The following SERPINE2 variants were observed in gnomAD, a reference collection of about 807,000 sequenced individuals.
SERPINE2 encodes the protein glia-derived nexin.
In SERPINE2, 14 loss-of-function variants were observed where a neutral mutation model predicts 36.3. That is an observed-to-expected ratio of 0.39 (90% confidence interval 0.25 to 0.60). The LOEUF is 0.60. Among genes scored for constraint, SERPINE2 ranks in the 20% least tolerant of loss-of-function variants. The pLI, the probability that SERPINE2 is intolerant of heterozygous loss-of-function variation, is 0.57. For synonymous variants in SERPINE2, 192 were observed against 191.8 expected (o/e 1.00, Z -0.01); for missense variants, 418 against 499.6 (o/e 0.84, Z 1.56).
chr2:224,038,803 C>T (rs1466949136), intron 1 of SERPINE2: 1 of 427,310 alleles, frequency 2.3e-6, no homozygotes, highest in African/African-American at 2.1e-5. Flanking sequence ...GCGGGTATCA[C>T]TGGACGCCAC....
intron 7 of SERPINE2, 194 bp from the exon 8 acceptor site, chr2:223,977,821 TTTACA>T: frequency 5.6e-6 from 3 of 537,830 alleles, no homozygotes; most frequent in Middle Eastern, 3.8e-4. Context: ...GGCCAGGCCC[TTTACA>T]TTACTCTCTC....
intron 4 of SERPINE2, among the ~76,000 whole-genome samples, chr2:223,988,766 C>T (rs1375317943): frequency 1.3e-5 from 2 of 152,120 alleles, no homozygotes; most frequent in Non-Finnish European, 2.9e-5. Flanking sequence ...AGAATACTCA[C>T]TGCAGTGTTG....
intron 1 of SERPINE2, among the ~76,000 whole-genome samples, chr2:224,005,065 T>TTATATATTTTTTTATA (rs1553547022): frequency 6.0e-5 from 2 of 33,558 alleles, no homozygotes; most frequent in South Asian, 8.7e-4. Flanking sequence ...TTTATATATA[T>TTATATATTTTTTTATA]TATATATATA....
chr2:224,035,356 GCTT>G (rs1317730798), intron 1 of SERPINE2, among the ~76,000 whole-genome samples: 1 of 152,090 alleles, frequency 6.6e-6, no homozygotes, highest in Non-Finnish European at 1.5e-5. Flanking sequence ...GGGAATGTAA[GCTT>G]CCTATTCCAG....
chr2:223,975,836 G>A lies in SERPINE2; in HGVS notation c.*31C>T, dbSNP rs758565402. ...AGTCTTTCTTCGTAGCAAAGTAGTC[G>A]TTGCTTTGCATGGTTTCTTTTGTAT... On this transcript the variant is annotated 3_prime_UTR_variant, in exon 9 of 9. Coordinates refer to ENST00000409304, the MANE Select transcript of SERPINE2 (RefSeq NM_001136528.2). 1.2e-5 allele frequency: 19 copies of A among 1,538,680 alleles called. No homozygotes were observed. The highest frequency in any genetic ancestry group is 1.2e-4 in the African/African-American group (9 of 73,474).
At chr2:224,033,804 C>T (rs2106205436) in intron 1 of SERPINE2, among the ~76,000 whole-genome samples, 1 of 152,272 alleles carries the variant, frequency 6.6e-6, no homozygotes, top group East Asian at 1.9e-4. Flanking sequence ...GAGGGCAGAA[C>T]CATGCCAAAG....
chr2:223,996,529 G>C lies in SERPINE2; in HGVS notation c.487+1586C>G, dbSNP rs140095589. On this transcript the variant is annotated intron_variant, in intron 3 of 8. Transcript: ENST00000409304. ...CACCTCTTCACTAGTTCTGCTAATG[G>C]GTCTCCAACATCTGGGTGTGTAAGA... Among the ~76,000 whole-genome samples, 4 of 152,248 alleles carry C rather than the reference G, an allele frequency of 2.6e-5. No individual in the cohort carries two copies. The East Asian group carries it at 7.7e-4, about 29-fold the overall frequency.
intron 4 of SERPINE2, among the ~76,000 whole-genome samples, chr2:223,989,072 ATATATATTG>A (rs1341584345): frequency 6.6e-6 from 1 of 152,236 alleles, no homozygotes; most frequent in East Asian, 1.9e-4. Flanking sequence ...GGTTTCTGCC[ATATATATTG>A]TACATGGAGG....
chr2:224,002,166 G>A (rs1468076255), intron 1 of SERPINE2, among the ~76,000 whole-genome samples: 1 of 151,924 alleles, frequency 6.6e-6, no homozygotes, highest in African/African-American at 2.4e-5. Context: ...TAGTAGAGAT[G>A]GGATTTCACC....
chr2:224,028,512 T>C (rs1343754604), intron 1 of SERPINE2, among the ~76,000 whole-genome samples: 1 of 152,204 alleles, frequency 6.6e-6, no homozygotes, highest in Non-Finnish European at 1.5e-5. Context: ...TGGCTTAGCC[T>C]CAATCATTCC....
At chr2:224,031,947 CCA>C (rs2106203625) in intron 1 of SERPINE2, among the ~76,000 whole-genome samples, 1 of 152,244 alleles carries the variant, frequency 6.6e-6, no homozygotes, top group South Asian at 2.1e-4. Flanking sequence ...GTCTTTGGTT[CCA>C]GTCATCTTCA....
chr2:224,018,698 C>G (rs1245129960), intron 1 of SERPINE2, among the ~76,000 whole-genome samples: 1 of 152,162 alleles, frequency 6.6e-6, no homozygotes, highest in Non-Finnish European at 1.5e-5. Flanking sequence ...CACCCCAACC[C>G]TGCTGTTCTC....
chr2:223,977,888 G>A (rs1471867672), intron 7 of SERPINE2: 1 of 400,352 alleles, frequency 2.5e-6, no homozygotes, highest in Non-Finnish European at 4.6e-6. Flanking sequence ...TCCTCATAGA[G>A]TTTTGATGAG....
chr2:224,019,614 A>C (rs1456636115), intron 1 of SERPINE2, among the ~76,000 whole-genome samples: 1 of 152,196 alleles, frequency 6.6e-6, no homozygotes, highest in African/African-American at 2.4e-5. Flanking sequence ...ATGGACACTG[A>C]AGTGCTCAAT....
chr2:223,977,427 C>A, intron 8 of SERPINE2, 117 bp downstream of exon 8: 1 of 715,658 alleles, frequency 1.4e-6, no homozygotes, highest in South Asian at 1.5e-5. Context: ...AAAGTGTCTG[C>A]AACTATTGAC....
intron 1 of SERPINE2, among the ~76,000 whole-genome samples, chr2:224,005,824 T>C (rs1691401417): frequency 6.6e-6 from 1 of 152,188 alleles, no homozygotes; most frequent in African/African-American, 2.4e-5. Flanking sequence ...TGAATATTGT[T>C]TCACAACAGT....
At chr2:224,032,204 T>A (rs929364928) in intron 1 of SERPINE2, among the ~76,000 whole-genome samples, 30 of 152,376 alleles carry the variant, frequency 2.0e-4, no homozygotes, top group Admixed American at 1.6e-3. Flanking sequence ...TTTATTTACA[T>A]AGCACTTTCC....
intron 1 of SERPINE2, among the ~76,000 whole-genome samples, chr2:224,029,206 C>T (rs1211701847): frequency 1.3e-5 from 2 of 152,182 alleles, no homozygotes; most frequent in African/African-American, 4.8e-5. Context: ...TTAGTATACA[C>T]ATTTCAAACA....
At chr2:223,985,593 T>C (rs565440612) in intron 4 of SERPINE2, among the ~76,000 whole-genome samples, 1 of 152,328 alleles carries the variant, frequency 6.6e-6, no homozygotes, top group Non-Finnish European at 1.5e-5. Context: ...GCTCACTCTG[T>C]GCCAGGCCCA....
Sources: gnomAD v4.1 joint callset for allele counts (sites outside exome capture counted in the v4.1 genomes callset) on GRCh38, gnomAD v4.1.1 for gene constraint, MANE v1.5 for transcripts, NCBI Gene and HGNC (gene_info 2026-07-23, HGNC 2026-07-21) for gene names.